Variants in SLC39A11 observed in about 807,000 individuals in gnomAD.
SLC39A11 encodes the protein solute carrier family 39 member 11, also known as zinc transporter ZIP11.
A neutral mutation model predicts 36.1 loss-of-function variants in SLC39A11; 33 were observed. The observed-to-expected ratio is 0.91, with a 90% CI of 0.69 to 1.22. The LOEUF is 1.22. SLC39A11 is among the 50% of genes most tolerant of loss of function. The pLI is 0.00. For synonymous variants in SLC39A11, 166 were observed against 170.3 expected, an observed-to-expected ratio of 0.97 and a Z score of 0.20; for missense variants, 432 against 430.3, an observed-to-expected ratio of 1.00 and a Z score of -0.03.
rs2279592 is a variant in SLC39A11 at position 73,067,234 on chromosome 17, G to A, written c.147+17574C>T. 0.015 allele frequency among the ~76,000 whole-genome samples: 2,333 copies of A among 152,302 alleles called. 240 individuals are homozygous for A. In the East Asian group the frequency reaches 0.31, roughly 20 times the overall value. On this transcript the variant is annotated intron_variant, in intron 3 of 9. Coordinates refer to ENST00000255559, the MANE Select transcript of SLC39A11 (RefSeq NM_139177.4). ...CTGCATAGCTAAAAGAACATGTGTC[G>A]CAGCATTCCTTGCAGCTACCTTAGG...
At chr17:72,942,192 A>G (rs78528088) in intron 5 of SLC39A11, among the ~76,000 whole-genome samples, 1 of 151,942 alleles carries the variant, frequency 6.6e-6, no homozygotes. Context: ...TCACACTTCA[A>G]ATGAAGAAAC....
At chr17:72,729,405 T>C (rs952082986) in intron 7 of SLC39A11, among the ~76,000 whole-genome samples, 3 of 29,248 alleles carry the variant, frequency 1.0e-4, no homozygotes, top group East Asian at 1.8e-3. Flanking sequence ...ACCTGGCTAT[T>C]TATATATATA....
At chr17:72,775,860 T>C (rs994983621) in intron 6 of SLC39A11, among the ~76,000 whole-genome samples, 1 of 152,244 alleles carries the variant, frequency 6.6e-6, no homozygotes, top group South Asian at 2.1e-4. Flanking sequence ...TGCTGAGAAC[T>C]TGGCCCCGGC....
intron 5 of SLC39A11, among the ~76,000 whole-genome samples, chr17:72,926,517 T>TC (rs2084058206): frequency 6.6e-6 from 1 of 152,052 alleles, no homozygotes; most frequent in African/African-American, 2.4e-5. Context: ...GGGAAGATAT[T>TC]TTTTCTGGGG....
intron 5 of SLC39A11, among the ~76,000 whole-genome samples, chr17:72,941,862 C>CTATTTATTTATT (rs141344356): frequency 0.03 from 4,302 of 144,744 alleles, 93 homozygotes; most frequent in Non-Finnish European, 0.036. Context: ...TTGCTTCATT[C>CTATTTATTTATT]TATTTATTTA....
chr17:72,914,326 A>G (rs2083212159), intron 5 of SLC39A11, among the ~76,000 whole-genome samples: 1 of 151,340 alleles, frequency 6.6e-6, no homozygotes, highest in African/African-American at 2.4e-5. Context: ...GGGGGAAAAA[A>G]AAAAGAAAAA....
At chr17:73,025,167 C>T (rs1266188719) in intron 4 of SLC39A11, among the ~76,000 whole-genome samples, 1 of 152,040 alleles carries the variant, frequency 6.6e-6, no homozygotes, top group Non-Finnish European at 1.5e-5. Context: ...GAGGGTGATC[C>T]CTGCTTGCCA....
Position 72,967,116 on chromosome 17 carries a change from TC to T in SLC39A11, c.307-19242del, listed in dbSNP as rs1450416255. Among the ~76,000 whole-genome samples, 7 of 152,250 alleles carry T rather than the reference TC, an allele frequency of 4.6e-5. No homozygotes were observed. In the East Asian group the frequency reaches 1.3e-3, roughly 29 times the overall value. ...ATGAGCTCAGGGCTCCCACTGATTG[TC>T]CATTATGGTGAGTTATATAATCATT... On this transcript the variant is annotated intron_variant, in intron 4 of 9. Transcript: ENST00000255559.
intron 6 of SLC39A11, among the ~76,000 whole-genome samples, chr17:72,738,108 C>T (rs1012091987): frequency 3.3e-5 from 5 of 152,142 alleles, no homozygotes; most frequent in Non-Finnish European, 5.9e-5. Context: ...GGGTTCACGC[C>T]ATTCTCTTGC....
At chr17:72,909,911 AC>A (rs1185360927) in intron 5 of SLC39A11, among the ~76,000 whole-genome samples, 2 of 150,322 alleles carry the variant, frequency 1.3e-5, no homozygotes, top group East Asian at 3.9e-4. Flanking sequence ...ACGCCCGGCT[AC>A]TTTTTTTTTT....
Position 72,984,384 on chromosome 17 carries a change from A to G in SLC39A11, c.307-36509T>C, listed in dbSNP as rs1238339655. Among the ~76,000 whole-genome samples, 7 of 151,984 alleles carry G rather than the reference A, an allele frequency of 4.6e-5. No individual in the cohort carries two copies. In the East Asian group the frequency reaches 9.7e-4, roughly 21 times the overall value. ...TTATTGGAACTCAGACATTTAAAAA[A>G]AAAAAAAAAGAAAGAAAAGAAAAAG... On this transcript the variant is annotated intron_variant, in intron 4 of 9. Transcript: ENST00000255559.
At chr17:72,704,455 C>T (rs901853227) in intron 7 of SLC39A11, among the ~76,000 whole-genome samples, 7 of 152,132 alleles carry the variant, frequency 4.6e-5, no homozygotes, top group African/African-American at 1.2e-4. Context: ...GTCAAAGATG[C>T]GGCTAGATTC....
chr17:73,069,629 C>A (rs756434298), intron 3 of SLC39A11, among the ~76,000 whole-genome samples: 2 of 152,202 alleles, frequency 1.3e-5, no homozygotes, highest in Admixed American at 1.3e-4. Context: ...GCAATCCAAC[C>A]GCAGCCTCTC....
chr17:72,873,383 G>T (rs1394264355), intron 5 of SLC39A11, among the ~76,000 whole-genome samples: 1 of 152,136 alleles, frequency 6.6e-6, no homozygotes, highest in African/African-American at 2.4e-5. Flanking sequence ...CCCTCTGCCT[G>T]CTAAACTACC....
chr17:72,674,327 T>G (rs2071157108), intron 7 of SLC39A11, among the ~76,000 whole-genome samples: 1 of 152,194 alleles, frequency 6.6e-6, no homozygotes, highest in Non-Finnish European at 1.5e-5. Context: ...CTTTTTTCAT[T>G]TAACAGTATA....
At chr17:73,039,475 C>T (rs1264760873) in intron 3 of SLC39A11, among the ~76,000 whole-genome samples, 5 of 152,158 alleles carry the variant, frequency 3.3e-5, no homozygotes, top group African/African-American at 4.8e-5. Context: ...GTTGCCTAAT[C>T]GCATTCTCTG....
chr17:72,811,187 G>C (rs1243023169), intron 6 of SLC39A11, among the ~76,000 whole-genome samples: 1 of 152,130 alleles, frequency 6.6e-6, no homozygotes, highest in African/African-American at 2.4e-5. Flanking sequence ...GGCACCAGCA[G>C]ATTCATTGTC....
chr17:72,729,708 T>C (rs896294681), intron 7 of SLC39A11, among the ~76,000 whole-genome samples: 3 of 151,330 alleles, frequency 2.0e-5, no homozygotes, highest in Admixed American at 6.6e-5. Flanking sequence ...TGGCATTTGC[T>C]CAGAGTACTA....
intron 5 of SLC39A11, among the ~76,000 whole-genome samples, chr17:72,892,200 G>T (rs1291199817): frequency 1.3e-5 from 2 of 152,050 alleles, no homozygotes; most frequent in Non-Finnish European, 2.9e-5. Flanking sequence ...CTAAAGTCAG[G>T]AGTTTAAGAC....
Sources: allele counts gnomAD v4.1 joint callset (sites outside exome capture counted in the v4.1 genomes callset), GRCh38; gene constraint gnomAD v4.1.1; transcripts MANE v1.5; gene names NCBI Gene and HGNC (gene_info 2026-07-23, HGNC 2026-07-21).